The following NUP43 variants were observed in gnomAD, a reference collection of about 807,000 sequenced individuals.
NUP43 encodes nucleoporin Nup43.
NUP43 carries 32 observed loss-of-function variants against 47.3 expected under a neutral mutation model. That is an observed-to-expected ratio of 0.68 (90% CI 0.51 to 0.91). NUP43 has a LOEUF of 0.91. Among genes scored for constraint, NUP43 ranks in the 40% least tolerant of loss-of-function variants. The pLI, the probability that NUP43 is intolerant of heterozygous loss-of-function variation, is 0.00. For missense variants in NUP43, 444 were observed against 453.9 expected (o/e 0.98, Z 0.20); for synonymous variants, 147 against 158.4 (o/e 0.93, Z 0.54).
At chr6:149,746,191 G>A in intron 1 of NUP43, 129 bp from the exon 2 acceptor site, 2 of 1,329,092 alleles carry the variant, frequency 1.5e-6, no homozygotes, top group African/African-American at 1.5e-5. Flanking sequence ...AACACAACGA[G>A]ATACGAGGCT....
rs1414699179 is a variant in NUP43, at chr6:149,727,542, C to CA, written c.914-345dup. ...GAATAAGGAAAGAAAAAAAAGAAAC[C>CA]AAAAATGTAGGTAATACATGGAAAT... On this transcript the variant is annotated intron_variant, in intron 7 of 7. Coordinates refer to ENST00000340413, the MANE Select transcript of NUP43 (RefSeq NM_198887.3). The CA allele has an allele frequency of 3.1e-6, 3 of 979,718 alleles. No homozygotes were observed. In the African/African-American group the frequency reaches 5.3e-5, roughly 17 times the overall value. The allele number at this position is 979,718 out of a possible 1,614,324, so 60.7% of individuals were successfully genotyped here.
At chr6:149,742,602 C>T (rs1241901424) in intron 3 of NUP43, 32 bp from the exon 4 acceptor site, 8 of 1,564,326 alleles carry the variant, frequency 5.1e-6, no homozygotes, top group East Asian at 2.3e-5. Flanking sequence ...ACTATTAAAG[C>T]AAAGTACTAA....
intron 2 of NUP43, among the ~76,000 whole-genome samples, chr6:149,745,724 T>C (rs757643269): frequency 2.0e-5 from 3 of 152,192 alleles, no homozygotes; most frequent in Non-Finnish European, 4.4e-5. Flanking sequence ...TAGTCGACAG[T>C]CAATTAATAA....
chr6:149,739,229 C>T (rs781191977), intron 4 of NUP43, among the ~76,000 whole-genome samples: 1 of 152,142 alleles, frequency 6.6e-6, no homozygotes, highest in East Asian at 1.9e-4. Context: ...CCACCAGCCT[C>T]GGCCTCCCAA....
chr6:149,745,906 T>C (rs763214774), intron 2 of NUP43, 34 bp downstream of exon 2: 4 of 1,581,558 alleles, frequency 2.5e-6, no homozygotes, highest in South Asian at 2.3e-5. Context: ...CTCAGGACTT[T>C]CAAAGTTAGC....
rs763597463 is a variant in NUP43, at chr6:149,738,711, A to G, written c.570T>C (p.Asn190=). ...FLRTPEILTV[N]SIGQLKIWDF... ...CCCATATTTTCAACTGTCCAATTGA[A>G]TTTACAGTAAGAATCTCAGGAGTTC... Residue 190 remains asparagine, a synonymous_variant, in exon 5 of 8, where the codon AAT becomes AAC. Coordinates refer to ENST00000340413, the MANE Select transcript of NUP43 (RefSeq NM_198887.3). 1.9e-5 allele frequency: 31 copies of G among 1,596,102 alleles called. No homozygotes were observed. The highest frequency in any genetic ancestry group is 2.6e-5 in the Non-Finnish European group (31 of 1,171,392).
At chr6:149,739,169 G>C (rs1393397667) in intron 4 of NUP43, among the ~76,000 whole-genome samples, 1 of 152,006 alleles carries the variant, frequency 6.6e-6, no homozygotes, top group East Asian at 1.9e-4. Context: ...GTAGAGACTG[G>C]GTTTCTCCAT....
chr6:149,727,521 A>G (rs1784843669), intron 7 of NUP43: 3 of 984,660 alleles, frequency 3.0e-6, no homozygotes, highest in Admixed American at 6.2e-5. Context: ...CAAGTTGAAT[A>G]AGGAAAGAAA....
At chr6:149,728,249 T>A in intron 7 of NUP43, 1 of 970,272 alleles carries the variant, frequency 1.0e-6, no homozygotes, top group Non-Finnish European at 1.2e-6. Context: ...CAGTGTCTAA[T>A]ACTGTGCCTT....
At chr6:149,746,325 T>C (rs1278205267) in intron 1 of NUP43, 51 bp downstream of exon 1, 2 of 1,601,440 alleles carry the variant, frequency 1.2e-6, no homozygotes, top group Non-Finnish European at 1.7e-6. Flanking sequence ...AGGGGTCAGC[T>C]CAACCGGAGA....
chr6:149,743,692 G>T lies in NUP43; in HGVS notation c.267C>A (p.Val89=). 1 of 1,610,452 alleles carries T rather than the reference G, an allele frequency of 6.2e-7. No homozygotes were observed. The highest frequency in any genetic ancestry group is 8.5e-7 in the Non-Finnish European group (1 of 1,177,522). The change falls in exon 3 of 8, where the codon GTC becomes GTA. Residue 89 remains valine, a synonymous_variant. Transcript: ENST00000340413. ...TTACACATCCTGTTGATGAAGCAGC[G>T]ACAATTCTTTCCTGGTCAAAAAACT... ...DLQFFDQERI[V]AASSTGCVTV...
At position 149,731,701 on chromosome 6, in the gene NUP43, T is replaced by G; in HGVS notation, c.825A>C (p.Glu275Asp). The G allele has an allele frequency of 6.2e-7, 1 of 1,613,746 alleles. No homozygotes were observed. Among genetic ancestry groups the G allele is most frequent in the Non-Finnish European group, 8.5e-7 (1 of 1,179,752 alleles). Residue 275 changes from glutamate (E) to aspartate (D), a missense_variant, in exon 7 of 8, where the codon GAA becomes GAC. Transcript: ENST00000340413. ...WEVHFHPSNP[E>D]HLFTCSEDGS... ...CATCTTCAGAGCAGGTAAAAAGATG[T>G]TCTGGGTTGGATGGGTGAAAGTGAA...
At chr6:149,747,730 AG>A (rs1044252096), upstream of NUP43, among the ~76,000 whole-genome samples, 1 of 152,162 alleles carries the variant, frequency 6.6e-6, no homozygotes, top group Non-Finnish European at 1.5e-5. Flanking sequence ...TTTACACTAT[AG>A]GTATTCATAA....
At chr6:149,746,536 A>G (rs757428740), upstream of NUP43, 1 of 1,613,992 alleles carries the variant, frequency 6.2e-7, no homozygotes, top group Non-Finnish European at 8.5e-7. Flanking sequence ...AAGCAAGCAC[A>G]GTACGCGCCT....
intron 4 of NUP43, among the ~76,000 whole-genome samples, chr6:149,741,986 G>A (rs1346997782): frequency 6.6e-6 from 1 of 151,832 alleles, no homozygotes; most frequent in Non-Finnish European, 1.5e-5. Context: ...AGCCTCCTGA[G>A]TAGCTGGGAT....
upstream of NUP43, chr6:149,746,800 GCAAAAACAGAA>G (rs530308221): frequency 2.5e-4 from 236 of 939,700 alleles, 3 homozygotes; most frequent in South Asian, 3.9e-3. Context: ...AAATTTAAGT[GCAAAAACAGAA>G]CAAAAACAAT....
Position 149,746,511 on chromosome 6 carries a change from A to G in NUP43, c.-16T>C. 1.9e-6 allele frequency: 3 copies of G among 1,614,180 alleles called. No homozygotes were observed. The highest frequency in any genetic ancestry group is 2.5e-6 in the Non-Finnish European group (3 of 1,180,022). Reference sequence around the variant, plus strand: ...TTTCCTCCATGCCGAAAGCGGCCGCAGCAGGTACTGCAAAAAGCAAGCACA... The same window carrying G: ...TTTCCTCCATGCCGAAAGCGGCCGCGGCAGGTACTGCAAAAAGCAAGCACA... On this transcript the variant is annotated 5_prime_UTR_variant, in exon 1 of 8. Coordinates refer to ENST00000340413, the MANE Select transcript of NUP43 (RefSeq NM_198887.3).
At chr6:149,744,011 C>G (rs780873557) in intron 2 of NUP43, among the ~76,000 whole-genome samples, 1 of 152,150 alleles carries the variant, frequency 6.6e-6, no homozygotes, top group Non-Finnish European at 1.5e-5. Flanking sequence ...CAGTGGCTCA[C>G]GCCTGTAATC....
chr6:149,731,827 C>T, intron 6 of NUP43, 92 bp from the exon 7 acceptor site: 1 of 1,328,492 alleles, frequency 7.5e-7, no homozygotes, highest in Non-Finnish European at 1.1e-6. Context: ...CTTCCATTAT[C>T]CTCCATCACA....
Sources: gnomAD v4.1 joint callset for allele counts (sites outside exome capture counted in the v4.1 genomes callset) on GRCh38, gnomAD v4.1.1 for gene constraint, MANE v1.5 for transcripts, NCBI Gene and HGNC (gene_info 2026-07-23, HGNC 2026-07-21) for gene names.